Variants in JARID2 observed in about 807,000 individuals in gnomAD.
The protein encoded by JARID2 is protein Jumonji.
In JARID2, 21 loss-of-function variants were observed where a neutral mutation model predicts 125.6. The observed-to-expected ratio is 0.17, with a 90% CI of 0.12 to 0.24. The LOEUF is 0.24. Ranked by LOEUF, JARID2 falls within the 10% of genes least tolerant of loss-of-function variation. The pLI, the probability that JARID2 is intolerant of heterozygous loss-of-function variation, is 1.00. For missense variants in JARID2, 1,303 were observed against 1,639.6 expected (o/e 0.79, Z 3.55); for synonymous variants, 736 against 661.6 (o/e 1.11, Z -1.73).
intron 1 of JARID2, among the ~76,000 whole-genome samples, chr6:15,275,203 A>C (rs1760450432): frequency 6.6e-6 from 1 of 152,182 alleles, no homozygotes; most frequent in African/African-American, 2.4e-5. Context: ...CCTCTTGAAC[A>C]TGGAACAGTT....
intron 1 of JARID2, among the ~76,000 whole-genome samples, chr6:15,311,198 C>G (rs1302164872): frequency 6.6e-6 from 1 of 152,110 alleles, no homozygotes; most frequent in African/African-American, 2.4e-5. Flanking sequence ...ATCCAGTAAC[C>G]CCTAGCAGTG....
intron 1 of JARID2, chr6:15,247,352 A>C (rs1043764028): frequency 2.9e-5 from 24 of 837,142 alleles, no homozygotes; most frequent in Non-Finnish European, 3.5e-5. Flanking sequence ...TGGAATAGTT[A>C]AATTTGTTTT....
chr6:15,513,024 C>T lies in JARID2; in HGVS notation c.3245C>T (p.Ser1082Leu). 1 of 1,614,138 alleles carries T rather than the reference C, an allele frequency of 6.2e-7. No homozygotes were observed. ...KENGPTLSTI[S>L]ALLDELRDTE... ...AACGGTCCCACTCTCAGTACCATCT[C>T]AGCCCTCCTGGATGAGCTCAGGTAA... The change falls in exon 15 of 18, where the codon TCA becomes TTA. Residue 1082 changes from serine to leucine, a missense_variant. By Grantham distance (145) the Ser-to-Leu change is moderately radical. Coordinates refer to ENST00000341776, the MANE Select transcript of JARID2 (RefSeq NM_004973.4).
intron 3 of JARID2, among the ~76,000 whole-genome samples, chr6:15,424,896 C>A (rs1766657760): frequency 6.6e-6 from 1 of 152,162 alleles, no homozygotes; most frequent in Admixed American, 6.5e-5. Flanking sequence ...AACAAACCAG[C>A]AAACACTTAC....
intron 2 of JARID2, among the ~76,000 whole-genome samples, chr6:15,396,780 T>A (rs1050487827): frequency 1.3e-5 from 2 of 152,222 alleles, no homozygotes; most frequent in African/African-American, 4.8e-5. Context: ...CTTGGAAATC[T>A]AAAATCCGGA....
chr6:15,426,322 G>T (rs990857683), intron 3 of JARID2, among the ~76,000 whole-genome samples: 1 of 152,190 alleles, frequency 6.6e-6, no homozygotes, highest in African/African-American at 2.4e-5. Flanking sequence ...TCACAAGCTG[G>T]CTGAGAGAGA....
intron 1 of JARID2, among the ~76,000 whole-genome samples, chr6:15,246,991 C>A (rs913981514): frequency 6.6e-6 from 1 of 152,162 alleles, no homozygotes; most frequent in Non-Finnish European, 1.5e-5. Flanking sequence ...AATCGTGTAA[C>A]GCATGTGTGT....
intron 1 of JARID2, among the ~76,000 whole-genome samples, chr6:15,360,044 TTA>T (rs1249745420): frequency 6.6e-6 from 1 of 152,194 alleles, no homozygotes; most frequent in Non-Finnish European, 1.5e-5. Context: ...ACCTCATCTC[TTA>T]TGAGTTAGGG....
chr6:15,460,415 C>T (rs753387643), intron 4 of JARID2, among the ~76,000 whole-genome samples: 2 of 152,204 alleles, frequency 1.3e-5, no homozygotes, highest in Non-Finnish European at 2.9e-5. Flanking sequence ...AGAGTCATCT[C>T]TGGCCTTCTC....
chr6:15,372,701 C>CTTAT (rs1235053223), intron 1 of JARID2, among the ~76,000 whole-genome samples: 10 of 151,226 alleles, frequency 6.6e-5, no homozygotes, highest in Non-Finnish European at 1.0e-4. Flanking sequence ...GCTTCCATTT[C>CTTAT]TTATTTATTT....
At chr6:15,424,794 G>A (rs988796367) in intron 3 of JARID2, among the ~76,000 whole-genome samples, 3 of 152,200 alleles carry the variant, frequency 2.0e-5, no homozygotes, top group African/African-American at 7.2e-5. Context: ...AGGAGGCGGA[G>A]GTTGCGGTGA....
At chr6:15,379,641 C>T (rs550113261) in intron 2 of JARID2, among the ~76,000 whole-genome samples, 12 of 152,296 alleles carry the variant, frequency 7.9e-5, no homozygotes, top group African/African-American at 2.9e-4. Flanking sequence ...CTTAAACTTA[C>T]CCCGGGCAGT....
chr6:15,417,321 A>G (rs977008099), intron 3 of JARID2, among the ~76,000 whole-genome samples: 4 of 152,194 alleles, frequency 2.6e-5, no homozygotes, highest in African/African-American at 9.6e-5. Flanking sequence ...GTATTGTATC[A>G]TACCTGTTGG....
intron 1 of JARID2, among the ~76,000 whole-genome samples, chr6:15,256,892 GAGTTCA>G (rs1759686521): frequency 2.0e-5 from 3 of 152,200 alleles, no homozygotes; most frequent in Non-Finnish European, 1.5e-5. Context: ...AGGAATATTT[GAGTTCA>G]AGTTTGGTGG....
chr6:15,454,923 C>T (rs996151796), intron 4 of JARID2, among the ~76,000 whole-genome samples: 1 of 152,096 alleles, frequency 6.6e-6, no homozygotes, highest in Admixed American at 6.6e-5. Context: ...GGCCACTAGA[C>T]TGTGAGGCTG....
intron 7 of JARID2, among the ~76,000 whole-genome samples, chr6:15,500,352 CCTTT>C (rs1034485971): frequency 6.6e-6 from 1 of 152,152 alleles, no homozygotes; most frequent in African/African-American, 2.4e-5. Context: ...AAATAGACTT[CCTTT>C]GTGTGAGTGA....
intron 1 of JARID2, chr6:15,247,353 A>C (rs1051062330): frequency 3.1e-4 from 261 of 849,376 alleles, no homozygotes; most frequent in Non-Finnish European, 3.7e-4. Flanking sequence ...GGAATAGTTA[A>C]ATTTGTTTTG....
chr6:15,253,931 T>C (rs1308970389), intron 1 of JARID2, among the ~76,000 whole-genome samples: 2 of 151,808 alleles, frequency 1.3e-5, no homozygotes, highest in Non-Finnish European at 2.9e-5. Flanking sequence ...CTGAATTTGC[T>C]CCCCCCTTTT....
chr6:15,461,448 G>T (rs1233708854), intron 4 of JARID2, among the ~76,000 whole-genome samples: 1 of 152,282 alleles, frequency 6.6e-6, no homozygotes, highest in Non-Finnish European at 1.5e-5. Flanking sequence ...AGGAGGAGGA[G>T]GGAGGGTTGC....
Sources: gnomAD v4.1 joint callset for allele counts (sites outside exome capture counted in the v4.1 genomes callset) on GRCh38, gnomAD v4.1.1 for gene constraint, MANE v1.5 for transcripts, NCBI Gene and HGNC (gene_info 2026-07-23, HGNC 2026-07-21) for gene names.